Variants in GLRA1 observed in about 807,000 individuals in gnomAD.
GLRA1 encodes the protein glycine receptor subunit alpha-1.
In GLRA1, 37 loss-of-function variants were observed where a neutral mutation model predicts 48.3. That is an observed-to-expected ratio of 0.77 (90% confidence interval 0.59 to 1.01). The LOEUF is 1.01. Among genes scored for constraint, GLRA1 ranks in the 50% least tolerant of loss-of-function variants. The probability of loss-of-function intolerance (pLI) is 0.00; values close to 1 mark genes in which losing one functional copy is unlikely to be tolerated. For missense variants in GLRA1, 427 were observed against 571.0 expected, an observed-to-expected ratio of 0.75 and a Z score of 2.57; for synonymous variants, 196 against 210.7, an observed-to-expected ratio of 0.93 and a Z score of 0.60.
intron 8 of GLRA1, among the ~76,000 whole-genome samples, chr5:151,826,044 C>T (rs148888286): frequency 2.2e-4 from 34 of 152,220 alleles, no homozygotes; most frequent in African/African-American, 8.2e-4. Flanking sequence ...AATGAGATTA[C>T]GTTAATTCAA....
chr5:151,897,862 T>G (rs1265346025), intron 1 of GLRA1, among the ~76,000 whole-genome samples: 1 of 152,236 alleles, frequency 6.6e-6, no homozygotes, highest in African/African-American at 2.4e-5. Context: ...TGATGTATTA[T>G]GTATGTTATG....
intron 1 of GLRA1, among the ~76,000 whole-genome samples, chr5:151,920,759 A>G (rs1213602537): frequency 6.6e-6 from 1 of 152,190 alleles, no homozygotes; most frequent in Non-Finnish European, 1.5e-5. Flanking sequence ...TCCTTGGGCC[A>G]TGTCAGAAAC....
rs115358636 is a variant in GLRA1 at position 151,909,567 on chromosome 5, T to C, written c.56+14927A>G. Among the ~76,000 whole-genome samples, 915 of 152,336 alleles carry C rather than the reference T, an allele frequency of 6.0e-3. 12 individuals carry two copies. The highest frequency in any genetic ancestry group is 0.021 in the African/African-American group (885 of 41,570). ...TGTCATATAATAAGTTTTGCCCAAT[T>C]TATGTACTGTTATTTAATTTATTTT... On this transcript the variant is annotated intron_variant, in intron 1 of 8. Coordinates refer to ENST00000274576, the MANE Select transcript of GLRA1 (RefSeq NM_000171.4).
chr5:151,883,302 T>G (rs910696145), intron 3 of GLRA1, among the ~76,000 whole-genome samples: 2 of 152,210 alleles, frequency 1.3e-5, no homozygotes. Context: ...GGGCATGGCA[T>G]GATATTGGGT....
rs79955774 is a variant in GLRA1, at chr5:151,884,811, G to C, written c.252+1910C>G. 2.2e-4 allele frequency among the ~76,000 whole-genome samples: 34 copies of C among 152,182 alleles called. 1 individual carries two copies. The highest frequency in any genetic ancestry group is 8.2e-4 in the African/African-American group (34 of 41,440). On this transcript the variant is annotated intron_variant, in intron 3 of 8. Coordinates refer to ENST00000274576, the MANE Select transcript of GLRA1 (RefSeq NM_000171.4). ...AACCATTTACCATTGAGGAAAAAGA[G>C]TGGAAGTGTCAACACTCACTGTACA...
intron 2 of GLRA1, among the ~76,000 whole-genome samples, chr5:151,887,358 T>C (rs1373463519): frequency 6.6e-6 from 1 of 152,230 alleles, no homozygotes; most frequent in African/African-American, 2.4e-5. Flanking sequence ...GGAGGATTAT[T>C]CACTGGTTTG....
intron 3 of GLRA1, among the ~76,000 whole-genome samples, chr5:151,876,151 A>G (rs1753624183): frequency 6.6e-6 from 1 of 152,192 alleles, no homozygotes; most frequent in Non-Finnish European, 1.5e-5. Flanking sequence ...TGCCCCTGAA[A>G]TTACATTCCC....
intron 7 of GLRA1, among the ~76,000 whole-genome samples, chr5:151,842,916 T>C (rs1763745949): frequency 6.6e-6 from 1 of 152,186 alleles, no homozygotes; most frequent in Admixed American, 6.5e-5. Context: ...AAGATGAACA[T>C]ACAAAAATCA....
chr5:151,881,910 C>T (rs1753773812), intron 3 of GLRA1, among the ~76,000 whole-genome samples: 2 of 152,186 alleles, frequency 1.3e-5, no homozygotes. Flanking sequence ...AGAACAAACA[C>T]AGCCTGGAAA....
At chr5:151,835,607 C>T (rs1320252672) in intron 7 of GLRA1, among the ~76,000 whole-genome samples, 2 of 152,220 alleles carry the variant, frequency 1.3e-5, no homozygotes, top group African/African-American at 4.8e-5. Flanking sequence ...AAAAGCTTAT[C>T]CATGACCATC....
chr5:151,832,254 T>G (rs919205658), intron 7 of GLRA1, among the ~76,000 whole-genome samples: 6 of 152,084 alleles, frequency 3.9e-5, no homozygotes, highest in Non-Finnish European at 8.8e-5. Context: ...TTCCAAAGGA[T>G]CACAACTCCT....
chr5:151,845,256 G>A (rs1457204424), intron 7 of GLRA1, among the ~76,000 whole-genome samples: 2 of 152,070 alleles, frequency 1.3e-5, no homozygotes, highest in Non-Finnish European at 2.9e-5. Context: ...TACAAGGTTT[G>A]GAAGGGAAAA....
At chr5:151,860,965 G>C (rs1170938787) in intron 3 of GLRA1, among the ~76,000 whole-genome samples, 3 of 152,194 alleles carry the variant, frequency 2.0e-5, no homozygotes, top group Non-Finnish European at 4.4e-5. Context: ...CTATGAGTGA[G>C]AACATGCGGT....
At chr5:151,837,982 A>C (rs1763618855) in intron 7 of GLRA1, among the ~76,000 whole-genome samples, 1 of 152,234 alleles carries the variant, frequency 6.6e-6, no homozygotes, top group Non-Finnish European at 1.5e-5. Context: ...AAAAATTCTA[A>C]GACATGCAAA....
At chr5:151,920,167 T>G (rs967317646) in intron 1 of GLRA1, among the ~76,000 whole-genome samples, 1 of 152,204 alleles carries the variant, frequency 6.6e-6, no homozygotes, top group African/African-American at 2.4e-5. Flanking sequence ...TCACCACTGG[T>G]CAATTCATCC....
At chr5:151,844,382 G>T (rs1225917973) in intron 7 of GLRA1, among the ~76,000 whole-genome samples, 2 of 152,082 alleles carry the variant, frequency 1.3e-5, no homozygotes, top group African/African-American at 4.8e-5. Flanking sequence ...AGCACTTTGG[G>T]AGGCTGAGGC....
At chr5:151,859,459 G>T (rs989860644) in intron 4 of GLRA1, among the ~76,000 whole-genome samples, 1 of 152,150 alleles carries the variant, frequency 6.6e-6, no homozygotes, top group African/African-American at 2.4e-5. Flanking sequence ...CTTAGTTCCT[G>T]CTATTATTGG....
At chr5:151,918,172 A>G (rs1444068329) in intron 1 of GLRA1, among the ~76,000 whole-genome samples, 1 of 152,226 alleles carries the variant, frequency 6.6e-6, no homozygotes, top group African/African-American at 2.4e-5. Flanking sequence ...ATTACAAAGC[A>G]TAGGCACTGT....
intron 1 of GLRA1, among the ~76,000 whole-genome samples, chr5:151,907,897 T>G (rs897433571): frequency 2.0e-5 from 3 of 152,252 alleles, no homozygotes; most frequent in African/African-American, 7.2e-5. Flanking sequence ...GGCACAATGC[T>G]GTAATGTTGC....
Sources: allele counts gnomAD v4.1 joint callset (sites outside exome capture counted in the v4.1 genomes callset), GRCh38; gene constraint gnomAD v4.1.1; transcripts MANE v1.5; gene names NCBI Gene and HGNC (gene_info 2026-07-23, HGNC 2026-07-21).